Variants in CTNND2 observed in about 807,000 individuals in gnomAD.
CTNND2 encodes the protein catenin delta-2.
CTNND2 carries 22 observed loss-of-function variants against 144.4 expected under a neutral mutation model. The observed-to-expected ratio is 0.15, with a 90% CI of 0.11 to 0.22. The LOEUF is 0.22. Among genes scored for constraint, CTNND2 ranks in the 10% least tolerant of loss-of-function variants. The pLI, the probability that CTNND2 is intolerant of heterozygous loss-of-function variation, is 1.00. For missense variants in CTNND2, 1,353 were observed against 1,618.8 expected (o/e 0.84, Z 2.82); for synonymous variants, 751 against 695.6 (o/e 1.08, Z -1.25).
At chr5:11,287,489 T>C (rs1194768028) in intron 9 of CTNND2, among the ~76,000 whole-genome samples, 1 of 152,220 alleles carries the variant, frequency 6.6e-6, no homozygotes, top group Non-Finnish European at 1.5e-5. Flanking sequence ...GTTGTGTTTC[T>C]TTGGAGAACA....
At chr5:11,292,519 G>A (rs535563528) in intron 9 of CTNND2, among the ~76,000 whole-genome samples, 51 of 152,270 alleles carry the variant, frequency 3.3e-4, no homozygotes, top group African/African-American at 1.2e-3. Flanking sequence ...CTCCCGTGCT[G>A]TTCTCATGAT....
chr5:11,748,732 C>T (rs373802819), intron 1 of CTNND2, among the ~76,000 whole-genome samples: 13 of 152,078 alleles, frequency 8.5e-5, no homozygotes, highest in African/African-American at 3.1e-4. Context: ...ATCTTATCTG[C>T]TTATTATTTG....
chr5:11,188,938 T>C (rs533880494), intron 11 of CTNND2, among the ~76,000 whole-genome samples: 5 of 152,342 alleles, frequency 3.3e-5, no homozygotes, highest in African/African-American at 1.2e-4. Flanking sequence ...CTCCTTAGCC[T>C]GCTTGATTTT....
At chr5:11,785,338 TATC>T (rs1790768239) in intron 1 of CTNND2, among the ~76,000 whole-genome samples, 1 of 152,186 alleles carries the variant, frequency 6.6e-6, no homozygotes, top group Non-Finnish European at 1.5e-5. Context: ...TAAAAGGAAA[TATC>T]ATGAATAATG....
intron 2 of CTNND2, among the ~76,000 whole-genome samples, chr5:11,666,464 G>C (rs1014643395): frequency 5.9e-5 from 9 of 152,198 alleles, no homozygotes; most frequent in African/African-American, 2.2e-4. Context: ...AGTTTTCATA[G>C]ATGGGATTGT....
intron 9 of CTNND2, among the ~76,000 whole-genome samples, chr5:11,278,169 C>T (rs1036339567): frequency 2.4e-4 from 36 of 152,260 alleles, no homozygotes; most frequent in African/African-American, 3.8e-4. Flanking sequence ...TCTCAAGGGA[C>T]GCGCCAATCC....
rs1161029677 is a variant in CTNND2, at chr5:11,253,531, A to G, written c.1629-16708T>C. Among the ~76,000 whole-genome samples the G allele has an allele frequency of 5.9e-5, 9 of 152,170 alleles. No individual in the cohort carries two copies. In the South Asian group the frequency reaches 8.3e-4, roughly 14 times the overall value. On this transcript the variant is annotated intron_variant, in intron 9 of 21. Coordinates refer to ENST00000304623, the MANE Select transcript of CTNND2 (RefSeq NM_001332.4). ...CATTCTCTCTTGCCTGCTGCCATGT[A>G]AGACATGCCTTTCACCTTCCACCAT... is the stretch of plus-strand genomic sequence containing the variant.
chr5:11,161,905 A>G (rs1198077686), intron 11 of CTNND2, among the ~76,000 whole-genome samples: 1 of 152,158 alleles, frequency 6.6e-6, no homozygotes, highest in Non-Finnish European at 1.5e-5. Context: ...TAATATCAGC[A>G]CTTTGGGAGG....
chr5:11,739,377 G>GCCATCAGC (rs1787869116), intron 1 of CTNND2, among the ~76,000 whole-genome samples: 1 of 152,160 alleles, frequency 6.6e-6, no homozygotes, highest in African/African-American at 2.4e-5. Context: ...TGAGTGACCG[G>GCCATCAGC]CCATCAGCCA....
At chr5:11,497,044 C>T (rs1770021413) in intron 3 of CTNND2, among the ~76,000 whole-genome samples, 1 of 152,074 alleles carries the variant, frequency 6.6e-6, no homozygotes, top group African/African-American at 2.4e-5. Context: ...GGTTAGTAAA[C>T]AGAAGCTCAG....
chr5:11,088,910 G>T (rs963086826), intron 15 of CTNND2, among the ~76,000 whole-genome samples: 1 of 152,200 alleles, frequency 6.6e-6, no homozygotes, highest in Non-Finnish European at 1.5e-5. Flanking sequence ...GCTGGTAGGG[G>T]ATGAGTTTAT....
chr5:11,578,301 C>T (rs566539010), intron 2 of CTNND2, among the ~76,000 whole-genome samples: 5 of 152,302 alleles, frequency 3.3e-5, no homozygotes, highest in Admixed American at 6.5e-5. Context: ...CATATTGTTA[C>T]TCTATTTTAT....
intron 2 of CTNND2, among the ~76,000 whole-genome samples, chr5:11,682,119 G>A (rs1360512647): frequency 1.3e-5 from 2 of 152,204 alleles, no homozygotes; most frequent in African/African-American, 4.8e-5. Flanking sequence ...CAGAGTCATA[G>A]AGCATTTGAA....
At chr5:11,640,319 AT>A (rs1781935173) in intron 2 of CTNND2, among the ~76,000 whole-genome samples, 1 of 152,232 alleles carries the variant, frequency 6.6e-6, no homozygotes, top group Non-Finnish European at 1.5e-5. Context: ...TTCATCACTA[AT>A]TGCATTACAG....
chr5:11,810,606 G>C (rs1278999101), intron 1 of CTNND2, among the ~76,000 whole-genome samples: 1 of 152,044 alleles, frequency 6.6e-6, no homozygotes, highest in Non-Finnish European at 1.5e-5. Flanking sequence ...ATCAATTGTG[G>C]CATGTCAGAA....
chr5:11,831,484 C>T lies in CTNND2; in HGVS notation c.37+72333G>A, dbSNP rs185441201. Reference sequence around the variant, plus strand: ...GAGATCGAGACCATCCTGGCTAACACGGTGAAACCCCGTCTCTACTAAAAA... The same window carrying T: ...GAGATCGAGACCATCCTGGCTAACATGGTGAAACCCCGTCTCTACTAAAAA... On this transcript the variant is annotated intron_variant, in intron 1 of 21. Coordinates refer to ENST00000304623, the MANE Select transcript of CTNND2 (RefSeq NM_001332.4). Among the ~76,000 whole-genome samples, 17 of 151,460 alleles carry T rather than the reference C, an allele frequency of 1.1e-4. No homozygotes were observed. In the East Asian group the frequency reaches 2.7e-3, roughly 24 times the overall value.
At chr5:11,349,260 C>T (rs1755097591) in intron 8 of CTNND2, among the ~76,000 whole-genome samples, 1 of 152,098 alleles carries the variant, frequency 6.6e-6, no homozygotes, top group South Asian at 2.1e-4. Context: ...GGGGATTGTA[C>T]ACTTGGCATT....
At chr5:11,452,997 A>AC (rs1207046248) in intron 3 of CTNND2, among the ~76,000 whole-genome samples, 52 of 152,176 alleles carry the variant, frequency 3.4e-4, no homozygotes, top group Middle Eastern at 3.2e-3. Context: ...TGTTTGAAGT[A>AC]CTGTATATTT....
chr5:11,496,569 T>C (rs1769962165), intron 3 of CTNND2, among the ~76,000 whole-genome samples: 1 of 151,798 alleles, frequency 6.6e-6, no homozygotes, highest in South Asian at 2.1e-4. Flanking sequence ...AAGGTAGGAG[T>C]GTGTATGAAA....
Sources: allele counts gnomAD v4.1 joint callset (sites outside exome capture counted in the v4.1 genomes callset), GRCh38; gene constraint gnomAD v4.1.1; transcripts MANE v1.5; gene names NCBI Gene and HGNC (gene_info 2026-07-23, HGNC 2026-07-21).